Variants in ITSN1 observed in about 807,000 individuals in gnomAD.
The protein encoded by ITSN1 is intersectin 1.
A neutral mutation model predicts 239.8 loss-of-function variants in ITSN1; 58 were observed. That is an observed-to-expected ratio of 0.24 (90% CI 0.20 to 0.30). The LOEUF (loss-of-function observed/expected upper bound fraction) is 0.30, where lower values mean the gene tolerates loss of function less well. ITSN1 is among the 10% of genes least tolerant of loss of function. The pLI, the probability that ITSN1 is intolerant of heterozygous loss-of-function variation, is 1.00. For missense variants in ITSN1, 1,558 were observed against 2,103.3 expected, an observed-to-expected ratio of 0.74 and a Z score of 5.07; for synonymous variants, 780 against 770.8, an observed-to-expected ratio of 1.01 and a Z score of -0.20.
At chr21:33,785,018 T>A (rs2070541700) in intron 16 of ITSN1, among the ~76,000 whole-genome samples, 1 of 152,184 alleles carries the variant, frequency 6.6e-6, no homozygotes, top group South Asian at 2.1e-4. Context: ...TAAACCTTCC[T>A]TTCCCTAAAG....
At chr21:33,828,352 CAG>C (rs1453594925) in intron 26 of ITSN1, among the ~76,000 whole-genome samples, 1 of 152,246 alleles carries the variant, frequency 6.6e-6, no homozygotes, top group Non-Finnish European at 1.5e-5. Flanking sequence ...AGCTCCCAGT[CAG>C]AGCCTAGGCT....
At chr21:33,818,711 A>G (rs1341441879) in intron 23 of ITSN1, among the ~76,000 whole-genome samples, 1 of 152,224 alleles carries the variant, frequency 6.6e-6, no homozygotes, top group East Asian at 1.9e-4. Flanking sequence ...GCAAGAAGGA[A>G]TTCAGCTCTG....
intron 31 of ITSN1, among the ~76,000 whole-genome samples, chr21:33,863,463 C>T (rs960435023): frequency 3.3e-5 from 5 of 152,224 alleles, no homozygotes; most frequent in Admixed American, 6.5e-5. Flanking sequence ...CGAGACCAGC[C>T]TGGCCAACAT....
chr21:33,794,522 A>C, intron 17 of ITSN1, 54 bp downstream of exon 17: 2 of 1,561,978 alleles, frequency 1.3e-6, no homozygotes, highest in Non-Finnish European at 1.7e-6. Flanking sequence ...AGGATTTACT[A>C]TTCTTTGCTT....
At chr21:33,851,306 G>A (rs1008810206) in intron 29 of ITSN1, among the ~76,000 whole-genome samples, 9 of 152,172 alleles carry the variant, frequency 5.9e-5, no homozygotes, top group Non-Finnish European at 7.4e-5. Flanking sequence ...AGGGCCCCTC[G>A]AGGAAGCCTC....
chr21:33,806,616 C>G (rs145241485), intron 20 of ITSN1, among the ~76,000 whole-genome samples: 5 of 152,224 alleles, frequency 3.3e-5, no homozygotes, highest in Admixed American at 3.3e-4. Flanking sequence ...TAATTACTAA[C>G]ATTTAGTAGA....
intron 1 of ITSN1, among the ~76,000 whole-genome samples, chr21:33,671,069 C>T (rs1171497862): frequency 6.6e-6 from 1 of 152,124 alleles, no homozygotes; most frequent in African/African-American, 2.4e-5. Context: ...GGGGTTTTCC[C>T]CTACATTACT....
At chr21:33,770,125 G>A (rs1473018730) in intron 11 of ITSN1, among the ~76,000 whole-genome samples, 14 of 151,698 alleles carry the variant, frequency 9.2e-5, no homozygotes, top group African/African-American at 2.4e-4. Context: ...GTGCAGTGGC[G>A]CGATCTTGGC....
intron 1 of ITSN1, among the ~76,000 whole-genome samples, chr21:33,669,653 G>A (rs2090143501): frequency 6.6e-6 from 1 of 151,934 alleles, no homozygotes; most frequent in Non-Finnish European, 1.5e-5. Context: ...ATATTGGCCA[G>A]GTTGGTCTTG....
At chr21:33,810,429 A>G (rs545318589) in intron 20 of ITSN1, among the ~76,000 whole-genome samples, 1 of 152,228 alleles carries the variant, frequency 6.6e-6, no homozygotes, top group South Asian at 2.1e-4. Flanking sequence ...GAGCTTTTAA[A>G]TGCCTAAACA....
intron 5 of ITSN1, among the ~76,000 whole-genome samples, chr21:33,740,425 A>G (rs1357668084): frequency 2.0e-5 from 3 of 152,210 alleles, no homozygotes; most frequent in African/African-American, 7.2e-5. Flanking sequence ...ATGGCAGAAG[A>G]TTGGTGTCCT....
chr21:33,854,720 A>G (rs1978986076), intron 29 of ITSN1, among the ~76,000 whole-genome samples: 1 of 152,246 alleles, frequency 6.6e-6, no homozygotes, highest in Non-Finnish European at 1.5e-5. Context: ...GCCCTGAGGC[A>G]GGAAGAACAG....
intron 5 of ITSN1, among the ~76,000 whole-genome samples, chr21:33,743,772 A>G (rs1007526534): frequency 6.6e-6 from 1 of 152,230 alleles, no homozygotes; most frequent in African/African-American, 2.4e-5. Flanking sequence ...ATGACTTACA[A>G]GGGGGAAAAT....
Position 33,889,569 on chromosome 21 carries a change from T to A in ITSN1, c.*1269T>A, listed in dbSNP as rs1343639435. On this transcript the variant is annotated 3_prime_UTR_variant, in exon 40 of 40. Coordinates refer to ENST00000381318, the MANE Select transcript of ITSN1 (RefSeq NM_003024.3). ...CCAGGAGATCATCTGGTTAGTTAGA[T>A]AGTAACTTGATTTGCTAATGAAAAG... 1 of 152,196 alleles carries A rather than the reference T, an allele frequency of 6.6e-6. No individual in the cohort carries two copies. The highest frequency in any genetic ancestry group is 1.5e-5 in the Non-Finnish European group (1 of 68,024). The allele number at this position is 152,196 out of a possible 1,614,324, so 9.4% of individuals were successfully genotyped here.
chr21:33,875,347 T>G lies in ITSN1; in HGVS notation c.4174-7T>G. On this transcript the variant is annotated splice_polypyrimidine_tract_variant and splice_region_variant and intron_variant, in intron 33 of 39. Transcript: ENST00000381318. ...AAGGAGGTGGTTGTTTTTATTCTCC[T>G]GTGTAGATCCTGGAAAACACCCCTG... The G allele has an allele frequency of 1.2e-6, 2 of 1,614,122 alleles. No homozygotes were observed. The highest frequency in any genetic ancestry group is 1.7e-6 in the Non-Finnish European group (2 of 1,179,982).
In ITSN1 at chr21:33,858,743, A is replaced by AT; in HGVS notation, c.3846dup (p.Val1283CysfsTer10). 6.2e-7 allele frequency: 1 copy of AT among 1,613,966 alleles called. No individual in the cohort carries two copies. The highest frequency in any genetic ancestry group is 8.5e-7 in the Non-Finnish European group (1 of 1,179,904). ...GCTGACAGAAAAAGAGGTTGCTATG[A>AT]TTTTTGTGAACTGGAAGGAGCTGAT... On this transcript the variant is annotated frameshift_variant, in exon 31 of 40. Transcript: ENST00000381318. LOFTEE classifies it high-confidence loss of function.
At chr21:33,656,005 C>T (rs1294001607) in intron 1 of ITSN1, among the ~76,000 whole-genome samples, 1 of 152,114 alleles carries the variant, frequency 6.6e-6, no homozygotes, top group African/African-American at 2.4e-5. Flanking sequence ...TTTATTGCCA[C>T]AGTTTTCTTT....
intron 1 of ITSN1, among the ~76,000 whole-genome samples, chr21:33,695,219 CAG>C (rs1435758561): frequency 6.6e-6 from 1 of 152,240 alleles, no homozygotes; most frequent in Non-Finnish European, 1.5e-5. Flanking sequence ...TTTGCTCTAA[CAG>C]TATTAATATC....
rs144412976 is a variant in ITSN1, at chr21:33,756,744, C to T, written c.724+1347C>T. The T allele has an allele frequency of 8.5e-3, 1,299 of 152,074 alleles. 5 individuals are homozygous for T. Among genetic ancestry groups the T allele is most frequent in the Middle Eastern group, 0.014 (4 of 294 alleles). 9.4% of individuals were successfully genotyped at this position (152,074 alleles called of 1,614,324 possible). A position where few individuals can be genotyped will look rare whatever the true frequency, so the allele number is the denominator to read the frequency against. ...TACTGCCTCATAAAGCAGTAGCTGT[C>T]AAAACCAGCCTACCTTATGCAGGCT... On this transcript the variant is annotated intron_variant, in intron 8 of 39. Transcript: ENST00000381318.
Sources: gnomAD v4.1 joint callset for allele counts (sites outside exome capture counted in the v4.1 genomes callset) on GRCh38, gnomAD v4.1.1 for gene constraint, MANE v1.5 for transcripts, NCBI Gene and HGNC (gene_info 2026-07-23, HGNC 2026-07-21) for gene names.